ANKRD44: variants seen among roughly 807,000 people sequenced by gnomAD.
ANKRD44 encodes serine/threonine-protein phosphatase 6 regulatory ankyrin repeat subunit B.
ANKRD44 carries 35 observed loss-of-function variants against 116.0 expected under a neutral mutation model. That is an observed-to-expected ratio of 0.30 (90% CI 0.23 to 0.40). ANKRD44 has a LOEUF of 0.40. Among genes scored for constraint, ANKRD44 ranks in the 10% least tolerant of loss-of-function variants. The pLI, the probability that ANKRD44 is intolerant of heterozygous loss-of-function variation, is 1.00. For synonymous variants in ANKRD44, 435 were observed against 461.8 expected (o/e 0.94, Z 0.74); for missense variants, 1,014 against 1,242.6 (o/e 0.82, Z 2.77).
chr2:197,180,321 C>G (rs2080472882), intron 2 of ANKRD44, among the ~76,000 whole-genome samples: 1 of 152,194 alleles, frequency 6.6e-6, no homozygotes, highest in African/African-American at 2.4e-5. Context: ...TCTTTTGGAA[C>G]CGACATTTAA....
chr2:197,193,961 G>C (rs1165307543), intron 1 of ANKRD44, among the ~76,000 whole-genome samples: 1 of 152,092 alleles, frequency 6.6e-6, no homozygotes, highest in Non-Finnish European at 1.5e-5. Flanking sequence ...CCAGATGCCT[G>C]GTGTGCACGC....
At chr2:197,249,740 C>T (rs2082274758) in intron 1 of ANKRD44, among the ~76,000 whole-genome samples, 1 of 152,184 alleles carries the variant, frequency 6.6e-6, no homozygotes, top group Admixed American at 6.5e-5. Flanking sequence ...GAATATTTAT[C>T]ATGTTGATAA....
intron 2 of ANKRD44, among the ~76,000 whole-genome samples, chr2:197,148,742 T>G (rs1164661143): frequency 6.6e-6 from 1 of 152,144 alleles, no homozygotes; most frequent in African/African-American, 2.4e-5. Context: ...GCACTACCAT[T>G]AAGTAGACAA....
chr2:196,984,142 A>G (rs1559393334), downstream of ANKRD44, among the ~76,000 whole-genome samples: 1 of 152,274 alleles, frequency 6.6e-6, no homozygotes, highest in Non-Finnish European at 1.5e-5. Flanking sequence ...ACATTGATGA[A>G]GAAATGATTC....
intron 2 of ANKRD44, among the ~76,000 whole-genome samples, chr2:197,161,267 G>T (rs535250349): frequency 6.6e-6 from 1 of 152,122 alleles, no homozygotes; most frequent in African/African-American, 2.4e-5. Flanking sequence ...TCTACCTCCA[G>T]GGCAATGTCA....
intron 18 of ANKRD44, among the ~76,000 whole-genome samples, chr2:197,010,633 C>T (rs1306071940): frequency 2.0e-5 from 3 of 151,976 alleles, no homozygotes; most frequent in Non-Finnish European, 4.4e-5. Flanking sequence ...GGCTATTGAA[C>T]GCAAACCAAA....
At chr2:197,135,193 C>T (rs1423853626) in intron 4 of ANKRD44, 1 of 152,212 alleles carries the variant, frequency 6.6e-6, no homozygotes, top group East Asian at 1.9e-4. Flanking sequence ...GAAAAGCTGA[C>T]ACCAATAACG....
chr2:197,125,250 A>T, intron 6 of ANKRD44, 131 bp downstream of exon 6: 1 of 823,036 alleles, frequency 1.2e-6, no homozygotes, highest in Non-Finnish European at 2.0e-6. Context: ...AAACCAACCA[A>T]ATCTTCATTC....
intron 1 of ANKRD44, among the ~76,000 whole-genome samples, chr2:197,299,273 T>A (rs1364983023): frequency 3.9e-5 from 6 of 152,212 alleles, no homozygotes; most frequent in African/African-American, 1.4e-4. Context: ...AATTTCTTAT[T>A]TAACAAATAT....
chr2:197,292,177 T>C (rs754573184), intron 1 of ANKRD44, among the ~76,000 whole-genome samples: 4 of 152,248 alleles, frequency 2.6e-5, no homozygotes, highest in Non-Finnish European at 5.9e-5. Context: ...CATAATCCTT[T>C]GGATATATAC....
intron 1 of ANKRD44, among the ~76,000 whole-genome samples, chr2:197,193,510 A>T (rs990377986): frequency 1.3e-5 from 2 of 152,194 alleles, no homozygotes; most frequent in Non-Finnish European, 2.9e-5. Flanking sequence ...CCAATTATTA[A>T]ATCCAATCCA....
At chr2:197,287,895 C>T (rs1319357518) in intron 1 of ANKRD44, among the ~76,000 whole-genome samples, 1 of 151,656 alleles carries the variant, frequency 6.6e-6, no homozygotes, top group African/African-American at 2.4e-5. Context: ...TGGCACACAC[C>T]TGTAGTCCCA....
At chr2:197,058,075 C>A (rs1040869385) in intron 16 of ANKRD44, among the ~76,000 whole-genome samples, 1 of 152,082 alleles carries the variant, frequency 6.6e-6, no homozygotes, top group East Asian at 1.9e-4. Flanking sequence ...TTATAGTAAG[C>A]AATACCCGGT....
At chr2:197,155,669 C>A (rs1430320568) in intron 2 of ANKRD44, among the ~76,000 whole-genome samples, 1 of 152,078 alleles carries the variant, frequency 6.6e-6, no homozygotes, top group Non-Finnish European at 1.5e-5. Flanking sequence ...AAAATTAAAT[C>A]AAAATGGATC....
intron 21 of ANKRD44, among the ~76,000 whole-genome samples, chr2:196,972,211 T>C (rs914467534): frequency 3.3e-5 from 5 of 152,144 alleles, no homozygotes; most frequent in African/African-American, 1.2e-4. Flanking sequence ...TTTTATTTTA[T>C]ATTATTTTTT....
chr2:197,065,477 T>TA (rs1412307972), intron 16 of ANKRD44, among the ~76,000 whole-genome samples: 2 of 151,866 alleles, frequency 1.3e-5, no homozygotes, highest in East Asian at 1.9e-4. Context: ...GATAGAGACA[T>TA]AAAAAATCCC....
chr2:197,008,972 C>T lies in ANKRD44; in HGVS notation c.1984G>A (p.Ala662Thr), dbSNP rs1428636151. 6.2e-7 allele frequency: 1 copy of T among 1,614,182 alleles called. No individual in the cohort carries two copies. ...CCTTTGGCATCTTTCACATCGACCG[C>T]CTCCGGGTTGTCTGCAATTTCTAGC... is the stretch of plus-strand genomic sequence containing the variant. ...LLLEIADNPEAVDVKDAKGQT... is the reference protein window; with the variant it reads ...LLLEIADNPETVDVKDAKGQT... The change falls in exon 19 of 28, where the codon GCG becomes ACG. Residue 662 changes from alanine to threonine, a missense_variant. Transcript: ENST00000282272.
chr2:197,280,082 C>T (rs1352952704), intron 1 of ANKRD44, among the ~76,000 whole-genome samples: 1 of 152,168 alleles, frequency 6.6e-6, no homozygotes, highest in African/African-American at 2.4e-5. Flanking sequence ...TTGAGCTCGG[C>T]GTGTGACAGG....
In ANKRD44 at chr2:197,125,411, G is replaced by A. The variant is rs370455427; in HGVS notation, c.520C>T (p.Arg174Trp). Residue 174 changes from arginine (R) to tryptophan (W), a missense_variant, in exon 6 of 28, where the codon CGG becomes TGG. Arg to Trp is a moderately radical substitution (Grantham distance 101). Coordinates refer to ENST00000282272, the MANE Select transcript of ANKRD44 (RefSeq NM_001195144.2). ...ANINAFDKKD[R>W]RALHWAAYMG... ...TATGCTGCCCAGTGCAGAGCACGCC[G>A]GTCCTTCTTGTCAAATGCATTGATA... 11 of 1,614,028 alleles carry A rather than the reference G, an allele frequency of 6.8e-6. No homozygotes were observed. The highest frequency in any genetic ancestry group is 2.2e-5 in the South Asian group (2 of 91,094).
Sources: allele counts gnomAD v4.1 joint callset (sites outside exome capture counted in the v4.1 genomes callset), GRCh38; gene constraint gnomAD v4.1.1; transcripts MANE v1.5; gene names NCBI Gene and HGNC (gene_info 2026-07-23, HGNC 2026-07-21).